The following OSBPL1A variants were observed in gnomAD, a reference collection of about 807,000 sequenced individuals.
The protein encoded by OSBPL1A is oxysterol binding protein like 1A.
A neutral mutation model predicts 137.1 loss-of-function variants in OSBPL1A; 80 were observed. The observed-to-expected ratio is 0.58, with a 90% CI of 0.49 to 0.70. The LOEUF (loss-of-function observed/expected upper bound fraction) is 0.70, where lower values mean the gene tolerates loss of function less well. Ranked by LOEUF, OSBPL1A falls within the 30% of genes least tolerant of loss-of-function variation. OSBPL1A has a pLI of 0.00. For missense variants in OSBPL1A, 970 were observed against 1,129.4 expected, an observed-to-expected ratio of 0.86 and a Z score of 2.02; for synonymous variants, 365 against 389.7, an observed-to-expected ratio of 0.94 and a Z score of 0.75.
chr18:24,323,211 C>T (rs961432199), intron 7 of OSBPL1A, among the ~76,000 whole-genome samples: 4 of 151,444 alleles, frequency 2.6e-5, no homozygotes, highest in Non-Finnish European at 4.4e-5. Flanking sequence ...TTTTTTAATG[C>T]GATACTGTCG....
intron 14 of OSBPL1A, among the ~76,000 whole-genome samples, chr18:24,291,821 G>C (rs2090178955): frequency 6.6e-6 from 1 of 150,850 alleles, no homozygotes; most frequent in Non-Finnish European, 1.5e-5. Context: ...GGGAGACTGA[G>C]GCAGGTGGAT....
intron 7 of OSBPL1A, among the ~76,000 whole-genome samples, chr18:24,319,039 T>A (rs889192028): frequency 5.3e-5 from 8 of 152,246 alleles, no homozygotes; most frequent in African/African-American, 1.7e-4. Context: ...CAAATTATCA[T>A]GAACTCATAA....
intron 2 of OSBPL1A, among the ~76,000 whole-genome samples, chr18:24,370,325 A>C (rs909985265): frequency 1.3e-5 from 2 of 152,206 alleles, no homozygotes; most frequent in African/African-American, 2.4e-5. Context: ...GCTCTTGTGC[A>C]TGCCTTCTCT....
At chr18:24,287,377 G>A (rs889353351) in intron 14 of OSBPL1A, among the ~76,000 whole-genome samples, 2 of 152,224 alleles carry the variant, frequency 1.3e-5, no homozygotes, top group Admixed American at 1.3e-4. Flanking sequence ...AAAGGTCTGT[G>A]CCACAAAGAA....
intron 14 of OSBPL1A, among the ~76,000 whole-genome samples, chr18:24,297,952 G>A (rs913682467): frequency 3.3e-5 from 5 of 152,134 alleles, no homozygotes; most frequent in Non-Finnish European, 7.4e-5. Flanking sequence ...GAAACCTACT[G>A]GGCTGCATTC....
At chr18:24,369,502 G>A (rs1345583022) in intron 2 of OSBPL1A, among the ~76,000 whole-genome samples, 2 of 152,120 alleles carry the variant, frequency 1.3e-5, no homozygotes, top group Non-Finnish European at 2.9e-5. Context: ...GCCACTGCAG[G>A]GAAAGAGCGA....
chr18:24,220,143 C>T (rs901802116), intron 17 of OSBPL1A, among the ~76,000 whole-genome samples: 22 of 152,264 alleles, frequency 1.4e-4, no homozygotes, highest in African/African-American at 4.3e-4. Flanking sequence ...CCAATCTCCA[C>T]TGGCCTCTGA....
At chr18:24,317,496 G>T in intron 9 of OSBPL1A, 96 bp from the exon 10 acceptor site, 1 of 969,144 alleles carries the variant, frequency 1.0e-6, no homozygotes, top group Non-Finnish European at 1.6e-6. Flanking sequence ...TCATATTTGA[G>T]TCTTTAGACA....
At chr18:24,239,439 C>T (rs905017904) in intron 15 of OSBPL1A, 57 bp from the exon 16 acceptor site, 1 of 1,469,188 alleles carries the variant, frequency 6.8e-7, no homozygotes, top group East Asian at 2.3e-5. Flanking sequence ...CACAGACGTA[C>T]TCAGAGGATG....
rs558869668 is a variant in OSBPL1A, at chr18:24,271,881, C to A, written c.1281+8961G>T. 2.1e-4 allele frequency: 205 copies of A among 984,892 alleles called. No individual in the cohort carries two copies. The African/African-American group carries it at 3.4e-3, about 17-fold the overall frequency. The allele number at this position is 984,892 out of a possible 1,614,324, so 61.0% of individuals were successfully genotyped here. A position where few individuals can be genotyped will look rare whatever the true frequency, so the allele number is the denominator to read the frequency against. On this transcript the variant is annotated intron_variant, in intron 15 of 27. Coordinates refer to ENST00000319481, the MANE Select transcript of OSBPL1A (RefSeq NM_080597.4). The surrounding 1 kb of genome is among the most constrained non-coding windows in gnomAD (Gnocchi z 4.0). ...GGCGTTGCCCGCCAGCGGCCCAGGA[C>A]TCCCGCGCCGCGCCCGCCCGGGCCG...
chr18:24,244,714 T>G (rs1361769462), intron 15 of OSBPL1A, among the ~76,000 whole-genome samples: 1 of 152,212 alleles, frequency 6.6e-6, no homozygotes. Flanking sequence ...AAATCCATAG[T>G]GGCTATTTCC....
chr18:24,292,418 C>T (rs2090191228), intron 14 of OSBPL1A, among the ~76,000 whole-genome samples: 1 of 152,124 alleles, frequency 6.6e-6, no homozygotes, highest in Non-Finnish European at 1.5e-5. Flanking sequence ...GTTAAATTTA[C>T]TAACTTGACA....
At chr18:24,192,632 G>A (rs969717977) in intron 18 of OSBPL1A, among the ~76,000 whole-genome samples, 12 of 152,174 alleles carry the variant, frequency 7.9e-5, no homozygotes, top group Non-Finnish European at 1.2e-4. Flanking sequence ...AAAGTACAAC[G>A]TGCAGGTGCA....
At chr18:24,180,431 C>T (rs184446149) in intron 19 of OSBPL1A, among the ~76,000 whole-genome samples, 284 of 150,488 alleles carry the variant, frequency 1.9e-3, no homozygotes, top group African/African-American at 6.4e-3. Flanking sequence ...TATTTATATA[C>T]ACAAGTAAGC....
At chr18:24,355,242 G>A (rs1249742363) in intron 4 of OSBPL1A, among the ~76,000 whole-genome samples, 5 of 151,836 alleles carry the variant, frequency 3.3e-5, no homozygotes, top group Admixed American at 1.3e-4. Context: ...TAAGGCTCAC[G>A]CCTGTAACCC....
At chr18:24,233,619 T>TTTTCTTTC (rs1194430099) in intron 16 of OSBPL1A, among the ~76,000 whole-genome samples, 5 of 152,116 alleles carry the variant, frequency 3.3e-5, no homozygotes, top group African/African-American at 9.7e-5. Context: ...CCTATTATAT[T>TTTTCTTTC]TTTCTTTCTT....
chr18:24,333,034 G>T lies in OSBPL1A; in HGVS notation c.533C>A (p.Thr178Lys). 6.2e-7 allele frequency: 1 copy of T among 1,614,160 alleles called. No homozygotes were observed. The highest frequency in any genetic ancestry group is 2.2e-5 in the East Asian group (1 of 44,886). Residue 178 changes from threonine to lysine, a missense_variant, in exon 7 of 28, where the codon ACA becomes AAA. Coordinates refer to ENST00000319481, the MANE Select transcript of OSBPL1A (RefSeq NM_080597.4). ...CCGGTAAGCTGCACAATGCAAGGGT[G>T]TATTTCCTAACTGATCCGAACAGTT... Reference protein sequence around the residue: ...DVNCSDQLGNTPLHCAAYRAH... With the variant: ...DVNCSDQLGNKPLHCAAYRAH...
intron 15 of OSBPL1A, among the ~76,000 whole-genome samples, chr18:24,263,763 G>T (rs2089501859): frequency 6.6e-6 from 1 of 152,114 alleles, no homozygotes; most frequent in Admixed American, 6.6e-5. Flanking sequence ...AGCCTCCCGA[G>T]TAGCTGGGAT....
intron 4 of OSBPL1A, among the ~76,000 whole-genome samples, chr18:24,363,981 C>T (rs1005826160): frequency 5.3e-5 from 8 of 152,034 alleles, no homozygotes; most frequent in Non-Finnish European, 7.4e-5. Context: ...ATGGGCCCAC[C>T]GAGATAATCC....
Sources: gnomAD v4.1 joint callset for allele counts (sites outside exome capture counted in the v4.1 genomes callset) on GRCh38, gnomAD v4.1.1 for gene constraint, Gnocchi (gnomAD v3.1) non-coding constraint, MANE v1.5 for transcripts, NCBI Gene and HGNC (gene_info 2026-07-23, HGNC 2026-07-21) for gene names.